Variants in VSTM5 observed in about 807,000 individuals in gnomAD.
The protein encoded by VSTM5 is V-set and transmembrane domain-containing protein 5.
Under a neutral mutation model 20.3 loss-of-function variants are expected in VSTM5, and 21 were observed. That is an observed-to-expected ratio of 1.03 (90% confidence interval 0.73 to 1.49). The LOEUF is 1.49. Ranked by LOEUF, VSTM5 falls within the 40% of genes most tolerant of loss-of-function variation. The pLI, the probability that VSTM5 is intolerant of heterozygous loss-of-function variation, is 0.00. For synonymous variants in VSTM5, 100 were observed against 102.5 expected (o/e 0.98, Z 0.14); for missense variants, 219 against 250.0 (o/e 0.88, Z 0.84).
intron 1 of VSTM5, among the ~76,000 whole-genome samples, chr11:93,826,396 C>T (rs1240099154): frequency 6.6e-6 from 1 of 151,262 alleles, no homozygotes; most frequent in Non-Finnish European, 1.5e-5. Context: ...GATTATTCAA[C>T]ATCTGTTTTC....
At chr11:93,841,946 T>G (rs867040034) in intron 1 of VSTM5, among the ~76,000 whole-genome samples, 13 of 152,180 alleles carry the variant, frequency 8.5e-5, no homozygotes, top group African/African-American at 2.7e-4. Context: ...TGTTCAAAAT[T>G]TAGCTGTGCC....
At chr11:93,839,790 A>T (rs1944356165) in intron 1 of VSTM5, among the ~76,000 whole-genome samples, 1 of 152,166 alleles carries the variant, frequency 6.6e-6, no homozygotes, top group South Asian at 2.1e-4. Flanking sequence ...CCAAAAAGAT[A>T]TGTTGACGTC....
At chr11:93,850,331 G>T (rs931619835) in intron 1 of VSTM5, 81 bp downstream of exon 1, 8 of 1,278,662 alleles carry the variant, frequency 6.3e-6, no homozygotes, top group Non-Finnish European at 7.5e-6. Flanking sequence ...CAGGGGGGCC[G>T]CTGCTAGACC....
chr11:93,842,421 A>G (rs1944377809), intron 1 of VSTM5, among the ~76,000 whole-genome samples: 2 of 152,222 alleles, frequency 1.3e-5, no homozygotes, highest in Admixed American at 6.5e-5. Flanking sequence ...GAATCTTCCT[A>G]CCACACCTTT....
intron 1 of VSTM5, among the ~76,000 whole-genome samples, chr11:93,831,248 C>G (rs1041160237): frequency 2.0e-5 from 3 of 152,016 alleles, no homozygotes; most frequent in African/African-American, 7.3e-5. Flanking sequence ...AGGCAGGTCT[C>G]GAACTCCTGG....
rs1434233731 is a variant in VSTM5 at position 93,820,281 on chromosome 11, A to G, written c.*288T>C. The G allele has an allele frequency of 1.1e-5, 5 of 449,640 alleles. No homozygotes were observed. The highest frequency in any genetic ancestry group is 1.0e-4 in the African/African-American group (5 of 50,208). The allele number at this position is 449,640 out of a possible 1,614,324, so 27.9% of individuals were successfully genotyped here. A position where few individuals can be genotyped will look rare whatever the true frequency, so the allele number is the denominator to read the frequency against. On this transcript the variant is annotated 3_prime_UTR_variant, in exon 4 of 4. Coordinates refer to ENST00000409977, the MANE Select transcript of VSTM5 (RefSeq NM_001144871.2). ...TCGTGAGCAAGCAGCCAACGCCTGCACTCACCCATTGGTTATGTGTCAGCA... is the reference window on the plus strand; with the variant it reads ...TCGTGAGCAAGCAGCCAACGCCTGCGCTCACCCATTGGTTATGTGTCAGCA...
chr11:93,820,848 T>C lies in VSTM5; in HGVS notation c.454A>G (p.Ile152Val). Residue 152 changes from isoleucine (I) to valine (V), a missense_variant, in exon 3 of 4, where the codon ATC (isoleucine) becomes GTC (valine). Coordinates refer to ENST00000409977, the MANE Select transcript of VSTM5 (RefSeq NM_001144871.2). ...GCCACAGCAGCGAGAAAAGCAAGGATGACAGCGACAAAGTGCAGGTCTTCA... is the reference window on the plus strand; with the variant it reads ...GCCACAGCAGCGAGAAAAGCAAGGACGACAGCGACAAAGTGCAGGTCTTCA... ...LYEDLHFVAVILAFLAAVAAV... is the reference protein window; with the variant it reads ...LYEDLHFVAVVLAFLAAVAAV... 6.4e-7 allele frequency: 1 copy of C among 1,550,634 alleles called. No individual in the cohort carries two copies. The highest frequency in any genetic ancestry group is 8.7e-7 in the Non-Finnish European group (1 of 1,146,966).
At chr11:93,838,538 T>G (rs555691024) in intron 1 of VSTM5, among the ~76,000 whole-genome samples, 1 of 146,940 alleles carries the variant, frequency 6.8e-6, no homozygotes, top group East Asian at 2.0e-4. Flanking sequence ...ACACCTGTAA[T>G]CCCAGCACTT....
chr11:93,832,056 C>T (rs1340646914), intron 1 of VSTM5, among the ~76,000 whole-genome samples: 1 of 152,124 alleles, frequency 6.6e-6, no homozygotes, highest in African/African-American at 2.4e-5. Flanking sequence ...ATAATTTATC[C>T]TACAGATAAG....
chr11:93,837,011 GCACACA>G (rs59949447), intron 1 of VSTM5, among the ~76,000 whole-genome samples: 29 of 140,830 alleles, frequency 2.1e-4, no homozygotes, highest in African/African-American at 6.7e-4. Context: ...AAAAAAAAAT[GCACACA>G]CACACACACA....
intron 1 of VSTM5, among the ~76,000 whole-genome samples, chr11:93,849,267 C>T (rs1396897514): frequency 6.6e-6 from 1 of 152,160 alleles, no homozygotes; most frequent in African/African-American, 2.4e-5. Flanking sequence ...CACCTCAGCT[C>T]CCCCGCCGCC....
At chr11:93,838,258 A>T (rs995883470) in intron 1 of VSTM5, among the ~76,000 whole-genome samples, 12 of 152,096 alleles carry the variant, frequency 7.9e-5, no homozygotes, top group African/African-American at 2.7e-4. Context: ...GGATCACTTG[A>T]GTCCAGAAGT....
intron 1 of VSTM5, 54 bp downstream of exon 1, chr11:93,850,358 G>GC: frequency 2.7e-6 from 4 of 1,463,530 alleles, no homozygotes; most frequent in East Asian, 2.6e-5. Flanking sequence ...CCCCGCCCGT[G>GC]CCCCCCTACC....
chr11:93,832,421 T>C (rs760488531), intron 1 of VSTM5, among the ~76,000 whole-genome samples: 1 of 152,338 alleles, frequency 6.6e-6, no homozygotes, highest in Non-Finnish European at 1.5e-5. Context: ...CTCTAAGTTA[T>C]TCTAAAAACC....
At chr11:93,847,647 C>G (rs544723869) in intron 1 of VSTM5, among the ~76,000 whole-genome samples, 1 of 152,330 alleles carries the variant, frequency 6.6e-6, no homozygotes, top group South Asian at 2.1e-4. Flanking sequence ...AGAGGGAGCA[C>G]TGGGTGGGTA....
intron 1 of VSTM5, among the ~76,000 whole-genome samples, chr11:93,845,279 T>TTACA (rs1944404713): frequency 6.6e-6 from 1 of 152,176 alleles, no homozygotes; most frequent in Non-Finnish European, 1.5e-5. Flanking sequence ...CATATGGGGC[T>TTACA]TACATACACC....
Position 93,818,406 on chromosome 11 carries a change from A to G in VSTM5, c.*2163T>C, listed in dbSNP as rs1393337717. The G allele has an allele frequency of 6.6e-6, 1 of 152,086 alleles. No individual in the cohort carries two copies. The highest frequency in any genetic ancestry group is 1.5e-5 in the Non-Finnish European group (1 of 68,032). The allele number at this position is 152,086 out of a possible 1,614,324, so 9.4% of individuals were successfully genotyped here. A position where few individuals can be genotyped will look rare whatever the true frequency, so the allele number is the denominator to read the frequency against. ...TTTCCACAGGAATGTTCAGTATGGC[A>G]GAGCTTTAAAAATTCAAAAGAAACC... On this transcript the variant is annotated 3_prime_UTR_variant, in exon 4 of 4. Coordinates refer to ENST00000409977, the MANE Select transcript of VSTM5 (RefSeq NM_001144871.2).
At chr11:93,822,519 T>C (rs1036245996) in intron 1 of VSTM5, among the ~76,000 whole-genome samples, 4 of 152,202 alleles carry the variant, frequency 2.6e-5, no homozygotes, top group Non-Finnish European at 5.9e-5. Flanking sequence ...AGTCTTGCTC[T>C]GTCGCCCAGG....
rs1488667706 is a variant in VSTM5 at position 93,827,102 on chromosome 11, G to C, written c.92-5779C>G. On this transcript the variant is annotated intron_variant, in intron 1 of 3. Coordinates refer to ENST00000409977, the MANE Select transcript of VSTM5 (RefSeq NM_001144871.2). The stretch of plus-strand genomic sequence containing the variant: ...AATTAGGAATAAATAATCTATAACA[G>C]GCCGGACACGGTGGCTCATGCCTGT... Among the ~76,000 whole-genome samples the C allele has an allele frequency of 2.0e-5, 3 of 152,152 alleles. No homozygotes were observed. The South Asian group carries it at 6.2e-4, about 31-fold the overall frequency.
Sources: allele counts gnomAD v4.1 joint callset (sites outside exome capture counted in the v4.1 genomes callset), GRCh38; gene constraint gnomAD v4.1.1; transcripts MANE v1.5; gene names NCBI Gene and HGNC (gene_info 2026-07-23, HGNC 2026-07-21).